FAM3C: variants seen among roughly 807,000 people sequenced by gnomAD.
The protein encoded by FAM3C is protein FAM3C.
In FAM3C, 15 loss-of-function variants were observed where a neutral mutation model predicts 32.5. That is an observed-to-expected ratio of 0.46 (90% confidence interval 0.31 to 0.71). FAM3C has a LOEUF of 0.71. Among genes scored for constraint, FAM3C ranks in the 30% least tolerant of loss-of-function variants. The pLI, the probability that FAM3C is intolerant of heterozygous loss-of-function variation, is 0.05. For synonymous variants in FAM3C, 75 were observed against 86.1 expected, an observed-to-expected ratio of 0.87 and a Z score of 0.72; for missense variants, 175 against 274.4, an observed-to-expected ratio of 0.64 and a Z score of 2.56.
chr7:121,368,066 T>C (rs73440243), intron 5 of FAM3C, among the ~76,000 whole-genome samples: 128 of 152,332 alleles, frequency 8.4e-4, no homozygotes, highest in African/African-American at 2.8e-3. Flanking sequence ...ATTTTCTAAC[T>C]AATGAGACAT....
At chr7:121,385,322 G>A (rs955686400) in intron 1 of FAM3C, among the ~76,000 whole-genome samples, 1 of 152,076 alleles carries the variant, frequency 6.6e-6, no homozygotes, top group Non-Finnish European at 1.5e-5. Context: ...TGTTACATAG[G>A]CCAAAATTTG....
chr7:121,350,700 T>C, intron 9 of FAM3C, 150 bp from the exon 10 acceptor site: 1 of 768,244 alleles, frequency 1.3e-6, no homozygotes, highest in Non-Finnish European at 2.1e-6. Flanking sequence ...TGAGTGACCC[T>C]CAGGCTGTAT....
At chr7:121,352,882 C>G (rs967050685) in intron 8 of FAM3C, among the ~76,000 whole-genome samples, 1 of 152,190 alleles carries the variant, frequency 6.6e-6, no homozygotes, top group Non-Finnish European at 1.5e-5. Context: ...TATTTTCTAA[C>G]TACCTTATGG....
At chr7:121,371,805 C>T (rs947786787) in intron 4 of FAM3C, among the ~76,000 whole-genome samples, 3 of 152,178 alleles carry the variant, frequency 2.0e-5, no homozygotes, top group South Asian at 2.1e-4. Flanking sequence ...CACAAAAAAT[C>T]GTCACCTCCA....
At chr7:121,384,069 G>C (rs1256200101) in intron 1 of FAM3C, among the ~76,000 whole-genome samples, 1 of 152,106 alleles carries the variant, frequency 6.6e-6, no homozygotes, top group Non-Finnish European at 1.5e-5. Context: ...CACTGGACTA[G>C]GCAGGTGGGC....
intron 1 of FAM3C, 92 bp from the exon 2 acceptor site, chr7:121,383,102 A>C: frequency 1.6e-6 from 1 of 635,524 alleles, no homozygotes; most frequent in South Asian, 2.2e-5. Flanking sequence ...TAAACTAGTA[A>C]ATTTTATGAC....
chr7:121,372,877 G>A (rs1794175372), intron 3 of FAM3C, among the ~76,000 whole-genome samples: 1 of 152,140 alleles, frequency 6.6e-6, no homozygotes, highest in Non-Finnish European at 1.5e-5. Context: ...ACAGTTTTTA[G>A]TTCTGTACTA....
At chr7:121,378,452 TG>T (rs1244794485) in intron 3 of FAM3C, among the ~76,000 whole-genome samples, 8 of 152,096 alleles carry the variant, frequency 5.3e-5, no homozygotes, top group African/African-American at 1.9e-4. Context: ...CCTGAGTAGC[TG>T]GAATTACAGG....
intron 5 of FAM3C, 62 bp from the exon 6 acceptor site, chr7:121,364,250 AAT>A: frequency 8.8e-7 from 1 of 1,132,366 alleles, no homozygotes; most frequent in Non-Finnish European, 1.3e-6. Flanking sequence ...ATATCAGAAA[AAT>A]AAAGTCTTGC....
At chr7:121,394,494 G>A (rs1794644709) in intron 1 of FAM3C, among the ~76,000 whole-genome samples, 1 of 152,160 alleles carries the variant, frequency 6.6e-6, no homozygotes, top group South Asian at 2.1e-4. Context: ...TTACAATGAG[G>A]ATTTTGAGGA....
At chr7:121,365,254 A>G (rs1794002598) in intron 5 of FAM3C, among the ~76,000 whole-genome samples, 2 of 152,144 alleles carry the variant, frequency 1.3e-5, no homozygotes. Flanking sequence ...CAGTTCTAAC[A>G]AACGTTGGAT....
intron 2 of FAM3C, among the ~76,000 whole-genome samples, chr7:121,380,888 A>C (rs926517994): frequency 3.9e-5 from 6 of 152,068 alleles, no homozygotes; most frequent in Non-Finnish European, 8.8e-5. Context: ...AAAATTTTAC[A>C]TCATTTGCCT....
chr7:121,387,620 G>A (rs1168902484), intron 1 of FAM3C, among the ~76,000 whole-genome samples: 1 of 151,970 alleles, frequency 6.6e-6, no homozygotes, highest in Non-Finnish European at 1.5e-5. Flanking sequence ...CTATAGCAAA[G>A]GTGGAAACAA....
intron 1 of FAM3C, among the ~76,000 whole-genome samples, chr7:121,385,517 G>A (rs1015931485): frequency 2.6e-5 from 4 of 152,112 alleles, no homozygotes; most frequent in Non-Finnish European, 5.9e-5. Flanking sequence ...TCTTTACATG[G>A]TTGACAATTT....
intron 2 of FAM3C, among the ~76,000 whole-genome samples, chr7:121,379,611 T>C (rs1473693393): frequency 6.6e-6 from 1 of 152,076 alleles, no homozygotes; most frequent in Non-Finnish European, 1.5e-5. Flanking sequence ...CTGCAGGATA[T>C]AATTTGGTAC....
At position 121,350,177 on chromosome 7, in the gene FAM3C, T is replaced by A. The variant is rs1256279396; in HGVS notation, c.*284A>T. 2.2e-5 allele frequency: 8 copies of A among 359,958 alleles called. No homozygotes were observed. Among genetic ancestry groups the A allele is most frequent in the Non-Finnish European group, 2.6e-5 (5 of 195,938 alleles). 22.3% of individuals were successfully genotyped at this position (359,958 alleles called of 1,614,324 possible). A position where few individuals can be genotyped will look rare whatever the true frequency, so the allele number is the denominator to read the frequency against. On this transcript the variant is annotated 3_prime_UTR_variant, in exon 10 of 10. Coordinates refer to ENST00000359943, the MANE Select transcript of FAM3C (RefSeq NM_014888.3). The stretch of plus-strand genomic sequence containing the variant: ...TCACAAACCATTCAGTTACACATTG[T>A]GTATGCTTTTAGAATTTAAAATATG...
chr7:121,373,740 T>C (rs1318088300), intron 3 of FAM3C, among the ~76,000 whole-genome samples: 1 of 152,080 alleles, frequency 6.6e-6, no homozygotes. Context: ...TAAGTATTTA[T>C]GGCCGGGTGC....
chr7:121,362,861 C>A, intron 7 of FAM3C, 36 bp downstream of exon 7: 1 of 1,232,314 alleles, frequency 8.1e-7, no homozygotes, highest in Non-Finnish European at 1.2e-6. Context: ...TAAGTCAGTG[C>A]CAGCAAAAGA....
intron 8 of FAM3C, among the ~76,000 whole-genome samples, chr7:121,357,453 C>T (rs571825884): frequency 6.6e-6 from 1 of 152,158 alleles, no homozygotes; most frequent in East Asian, 1.9e-4. Context: ...TATAACACAA[C>T]TGGTAAATCA....
Sources: allele counts gnomAD v4.1 joint callset (sites outside exome capture counted in the v4.1 genomes callset), GRCh38; gene constraint gnomAD v4.1.1; transcripts MANE v1.5; gene names NCBI Gene and HGNC (gene_info 2026-07-23, HGNC 2026-07-21).